Variants in ROBO1 observed in about 807,000 individuals in gnomAD.
The protein encoded by ROBO1 is roundabout homolog 1.
ROBO1 carries 149 observed loss-of-function variants against 195.9 expected under a neutral mutation model. The observed-to-expected ratio is 0.76, with a 90% CI of 0.67 to 0.87. ROBO1 has a LOEUF of 0.87. Ranked by LOEUF, ROBO1 falls within the 40% of genes least tolerant of loss-of-function variation. The pLI is 0.00. For synonymous variants in ROBO1, 816 were observed against 733.2 expected, an observed-to-expected ratio of 1.11 and a Z score of -1.82; for missense variants, 1,933 against 2,068.3, an observed-to-expected ratio of 0.93 and a Z score of 1.27.
At position 78,696,751 on chromosome 3, in the gene ROBO1, CAT is replaced by C. The variant is rs200883654; in HGVS notation, c.1046-7981_1046-7980del. Among the ~76,000 whole-genome samples the C allele has an allele frequency of 5.5e-5, 8 of 144,786 alleles. No homozygotes were observed. The East Asian group carries it at 8.1e-4, about 15-fold the overall frequency. The allele number at this position is 144,786 out of a possible 152,430, so 95.0% of individuals were successfully genotyped here. The stretch of plus-strand genomic sequence containing the variant: ...ATGTATATATACATATATATATACA[CAT>C]ATATATATATAAACTGGTTTTAAGG... On this transcript the variant is annotated intron_variant, in intron 8 of 30. Transcript: ENST00000464233.
At chr3:78,943,797 A>C (rs1480368444) in intron 3 of ROBO1, among the ~76,000 whole-genome samples, 1 of 152,226 alleles carries the variant, frequency 6.6e-6, no homozygotes, top group Non-Finnish European at 1.5e-5. Flanking sequence ...GATCAGCAAA[A>C]AACCTATTAC....
chr3:78,939,627 AG>A, intron 3 of ROBO1, among the ~76,000 whole-genome samples: 1 of 144,368 alleles, frequency 6.9e-6, no homozygotes, highest in East Asian at 2.0e-4. Flanking sequence ...CAAAAAAAAA[AG>A]AAAAAAGAAA....
At chr3:79,366,741 G>A (rs1453542853) in intron 2 of ROBO1, among the ~76,000 whole-genome samples, 1 of 152,108 alleles carries the variant, frequency 6.6e-6, no homozygotes, top group African/African-American at 2.4e-5. Context: ...GATGTTTGCC[G>A]AGTTTTCAAT....
intron 3 of ROBO1, among the ~76,000 whole-genome samples, chr3:79,079,184 T>C (rs868327553): frequency 2.6e-5 from 4 of 151,824 alleles, no homozygotes; most frequent in Admixed American, 6.6e-5. Context: ...AATAAAAGTA[T>C]TTATTAGAAA....
intron 2 of ROBO1, among the ~76,000 whole-genome samples, chr3:79,337,157 T>C (rs2034706751): frequency 6.6e-6 from 1 of 152,168 alleles, no homozygotes; most frequent in Non-Finnish European, 1.5e-5. Flanking sequence ...GACTTTGGAC[T>C]ATGGACTTTT....
chr3:79,152,020 C>T (rs1367135400), intron 2 of ROBO1, among the ~76,000 whole-genome samples: 2 of 151,574 alleles, frequency 1.3e-5, no homozygotes, highest in African/African-American at 2.4e-5. Context: ...TACATTTATA[C>T]GAATACATAT....
intron 28 of ROBO1, among the ~76,000 whole-genome samples, chr3:78,610,376 G>T (rs1488688952): frequency 6.6e-6 from 1 of 152,096 alleles, no homozygotes; most frequent in African/African-American, 2.4e-5. Context: ...GTAGCCTAAA[G>T]CCAAGGGACC....
intron 3 of ROBO1, among the ~76,000 whole-genome samples, chr3:79,053,956 A>G (rs943215619): frequency 2.0e-5 from 3 of 152,110 alleles, no homozygotes; most frequent in Non-Finnish European, 4.4e-5. Context: ...TGTACTCAGT[A>G]TGGTCTTACT....
chr3:79,311,858 A>G lies in ROBO1; in HGVS notation c.89-186319T>C, dbSNP rs143838739. Among the ~76,000 whole-genome samples, 21 of 152,280 alleles carry G rather than the reference A, an allele frequency of 1.4e-4. No homozygotes were observed. The East Asian group carries it at 2.5e-3, about 18-fold the overall frequency. ...TAGCCAACTGTTATTTATACACACT[A>G]TCTCAAGAGATACTCTCTCTTAATC... is the stretch of plus-strand genomic sequence containing the variant. On this transcript the variant is annotated intron_variant, in intron 2 of 30. Transcript: ENST00000464233.
chr3:79,623,135 T>TCAACAACAA (rs34450942), intron 1 of ROBO1, among the ~76,000 whole-genome samples: 200 of 150,934 alleles, frequency 1.3e-3, no homozygotes, highest in Middle Eastern at 6.9e-3. Flanking sequence ...AACAATGGCA[T>TCAACAACAA]CAACAACAAC....
At chr3:79,000,447 T>A (rs146276121) in intron 3 of ROBO1, among the ~76,000 whole-genome samples, 1 of 151,962 alleles carries the variant, frequency 6.6e-6, no homozygotes, top group Non-Finnish European at 1.5e-5. Flanking sequence ...AACAACCCCA[T>A]CAAAAAGTGG....
chr3:79,362,053 T>A (rs1314131508), intron 2 of ROBO1, among the ~76,000 whole-genome samples: 1 of 152,044 alleles, frequency 6.6e-6, no homozygotes, highest in Non-Finnish European at 1.5e-5. Context: ...ACGGTAGATA[T>A]GAATTTTAGG....
chr3:79,745,500 A>G (rs769833441), intron 1 of ROBO1, among the ~76,000 whole-genome samples: 14 of 152,222 alleles, frequency 9.2e-5, no homozygotes, highest in Non-Finnish European at 1.8e-4. Flanking sequence ...AACAGAATCA[A>G]TACAAAGGCG....
chr3:79,445,425 AT>A (rs1363184358), intron 2 of ROBO1, among the ~76,000 whole-genome samples: 2 of 150,662 alleles, frequency 1.3e-5, no homozygotes, highest in African/African-American at 4.9e-5. Context: ...ATACGTAGTA[AT>A]GTTCACAGAT....
chr3:79,106,841 AGTT>A (rs2079791115), intron 3 of ROBO1, among the ~76,000 whole-genome samples: 1 of 151,824 alleles, frequency 6.6e-6, no homozygotes, highest in East Asian at 1.9e-4. Flanking sequence ...GGAAAGTGAA[AGTT>A]GTTATTACAG....
intron 2 of ROBO1, among the ~76,000 whole-genome samples, chr3:79,285,152 T>A (rs893876289): frequency 6.6e-6 from 1 of 152,200 alleles, no homozygotes; most frequent in Non-Finnish European, 1.5e-5. Context: ...ACGAAGCATT[T>A]ATTCAAGAGT....
At chr3:78,796,966 C>A (rs1299641701) in intron 4 of ROBO1, among the ~76,000 whole-genome samples, 1 of 152,168 alleles carries the variant, frequency 6.6e-6, no homozygotes, top group South Asian at 2.1e-4. Context: ...ATCTTTCTAT[C>A]TCTTGTACTC....
At chr3:79,025,365 A>C (rs1032403414) in intron 3 of ROBO1, among the ~76,000 whole-genome samples, 2 of 152,086 alleles carry the variant, frequency 1.3e-5, no homozygotes, top group Non-Finnish European at 2.9e-5. Context: ...GCACTTATTC[A>C]CATCTAAGAT....
chr3:78,803,330 T>C (rs2084425697), intron 4 of ROBO1, among the ~76,000 whole-genome samples: 1 of 152,170 alleles, frequency 6.6e-6, no homozygotes, highest in African/African-American at 2.4e-5. Context: ...TTTCTTCCTT[T>C]TCCTCCTAAC....
Sources: allele counts gnomAD v4.1 joint callset (sites outside exome capture counted in the v4.1 genomes callset), GRCh38; gene constraint gnomAD v4.1.1; transcripts MANE v1.5; gene names NCBI Gene and HGNC (gene_info 2026-07-23, HGNC 2026-07-21).